Variants in INVS observed in about 807,000 individuals in gnomAD.
The protein encoded by INVS is inversion of embryo turning homolog.
INVS carries 86 observed loss-of-function variants against 108.8 expected under a neutral mutation model. The ratio of observed to expected loss-of-function variants is 0.79; its 90% CI spans 0.66 to 0.95. The LOEUF is 0.95. Ranked by LOEUF, INVS falls within the 40% of genes least tolerant of loss-of-function variation. INVS has a pLI of 0.00. For synonymous variants in INVS, 455 were observed against 473.5 expected, an observed-to-expected ratio of 0.96 and a Z score of 0.51; for missense variants, 1,169 against 1,297.4, an observed-to-expected ratio of 0.90 and a Z score of 1.52.
intron 3 of INVS, among the ~76,000 whole-genome samples, chr9:100,208,351 G>A (rs1009486585): frequency 2.6e-5 from 4 of 152,194 alleles, no homozygotes; most frequent in Non-Finnish European, 5.9e-5. Context: ...GTTATGGTCA[G>A]CATTTGATTA....
chr9:100,177,062 A>G (rs2119058519), intron 3 of INVS, among the ~76,000 whole-genome samples: 1 of 151,758 alleles, frequency 6.6e-6, no homozygotes, highest in Non-Finnish European at 1.5e-5. Context: ...ACCGTGAGGC[A>G]CTGTGCCATG....
intron 3 of INVS, chr9:100,129,816 C>T (rs1323885701): frequency 5.7e-5 from 29 of 512,018 alleles, no homozygotes; most frequent in Non-Finnish European, 1.4e-5. Context: ...GAATACAACC[C>T]TAACAGGAAG....
chr9:100,300,776 C>A lies in INVS; in HGVS notation c.*102C>A. 1 of 801,622 alleles carries A rather than the reference C, an allele frequency of 1.2e-6. No individual in the cohort carries two copies. Among genetic ancestry groups the A allele is most frequent in the Non-Finnish European group, 2.1e-6 (1 of 470,522 alleles). 49.7% of individuals were successfully genotyped at this position (801,622 alleles called of 1,614,324 possible). On this transcript the variant is annotated 3_prime_UTR_variant, in exon 17 of 17. Coordinates refer to ENST00000262457, the MANE Select transcript of INVS (RefSeq NM_014425.5). ...TTACACCTTGGGAAAACTTTAATATCCGTACCTGAAGGCTGATTCACCTAA... is the reference window on the plus strand; with the variant it reads ...TTACACCTTGGGAAAACTTTAATATACGTACCTGAAGGCTGATTCACCTAA...
At chr9:100,283,445 C>T (rs550984350) in intron 12 of INVS, among the ~76,000 whole-genome samples, 10 of 152,138 alleles carry the variant, frequency 6.6e-5, no homozygotes, top group Non-Finnish European at 1.0e-4. Context: ...ATCTTCAGTG[C>T]CCAGCAGAGA....
rs72132931 is a variant in INVS at position 100,132,777 on chromosome 9, A to ATT, written c.273+6239_273+6240dup. On this transcript the variant is annotated intron_variant, in intron 3 of 16. Transcript: ENST00000262457. ...CTCTTTGCCTTTGCATATGCCTGGA[A>ATT]TTTTTTTTTTTTAATTATCTTAAGC... is the stretch of plus-strand genomic sequence containing the variant. Among the ~76,000 whole-genome samples, 230 of 150,822 alleles carry ATT rather than the reference A, an allele frequency of 1.5e-3. 1 individual carries two copies. Among genetic ancestry groups the ATT allele is most frequent in the African/African-American group, 5.3e-3 (219 of 41,182 alleles).
Position 100,231,337 on chromosome 9 carries a change from C to T in INVS, c.615+1510C>T, listed in dbSNP as rs139768106. Among the ~76,000 whole-genome samples, 167 of 152,158 alleles carry T rather than the reference C, an allele frequency of 1.1e-3. 1 individual carries two copies. In the East Asian group the frequency reaches 0.025, roughly 23 times the overall value. Reference sequence around the variant, plus strand: ...TTTTCCTTCTAAAGTTATTATTTTACATCCTGAAATATAGTTCTTAGATTT... The same window carrying T: ...TTTTCCTTCTAAAGTTATTATTTTATATCCTGAAATATAGTTCTTAGATTT... On this transcript the variant is annotated intron_variant, in intron 5 of 16. Transcript: ENST00000262457.
At chr9:100,148,504 A>G (rs1354301832) in intron 3 of INVS, among the ~76,000 whole-genome samples, 1 of 152,170 alleles carries the variant, frequency 6.6e-6, no homozygotes, top group Admixed American at 6.5e-5. Context: ...GGTAACTTCA[A>G]GTTTACAAAG....
intron 3 of INVS, among the ~76,000 whole-genome samples, chr9:100,211,566 G>A (rs944311856): frequency 7.2e-5 from 11 of 152,054 alleles, no homozygotes; most frequent in Admixed American, 2.0e-4. Context: ...GTTTGACTCC[G>A]TGCCACTTGA....
At chr9:100,125,109 T>C (rs955136602) in intron 2 of INVS, among the ~76,000 whole-genome samples, 3 of 152,206 alleles carry the variant, frequency 2.0e-5, no homozygotes, top group African/African-American at 7.2e-5. Flanking sequence ...GTGTCCTGAC[T>C]TTTTGTACCA....
intron 3 of INVS, among the ~76,000 whole-genome samples, chr9:100,156,401 A>C (rs2118996717): frequency 6.6e-6 from 1 of 151,526 alleles, no homozygotes; most frequent in African/African-American, 2.4e-5. Flanking sequence ...GCTGGGTTTA[A>C]AAGCATGAGT....
rs760597143 is a variant in INVS at position 100,302,100 on chromosome 9, C to T, written c.*1426C>T. On this transcript the variant is annotated 3_prime_UTR_variant, in exon 17 of 17. Transcript: ENST00000262457. The stretch of plus-strand genomic sequence containing the variant: ...TTCGTAAACTTCTTTAAAAGTTCAG[C>T]TTTAATGACAAAGATCTATTACATC... The T allele has an allele frequency of 1.3e-6, 1 of 757,254 alleles. No homozygotes were observed. Among genetic ancestry groups the T allele is most frequent in the Admixed American group, 2.7e-5 (1 of 36,968 alleles). The allele number at this position is 757,254 out of a possible 1,614,324, so 46.9% of individuals were successfully genotyped here.
At chr9:100,273,596 G>A (rs1833025831) in intron 12 of INVS, among the ~76,000 whole-genome samples, 1 of 132,994 alleles carries the variant, frequency 7.5e-6, no homozygotes, top group South Asian at 2.5e-4. Flanking sequence ...GGAATGCAGT[G>A]GCACAACCTC....
At chr9:100,205,726 A>G (rs1830655703) in intron 3 of INVS, among the ~76,000 whole-genome samples, 1 of 151,954 alleles carries the variant, frequency 6.6e-6, no homozygotes, top group South Asian at 2.1e-4. Context: ...AACCACTCAC[A>G]TATAGTATTC....
At chr9:100,280,111 A>C (rs1459100853) in intron 12 of INVS, among the ~76,000 whole-genome samples, 2 of 152,150 alleles carry the variant, frequency 1.3e-5, no homozygotes, top group African/African-American at 4.8e-5. Flanking sequence ...TTTCTTGCTA[A>C]ATTTTCATCC....
chr9:100,252,294 G>A lies in INVS; in HGVS notation c.1090G>A (p.Ala364Thr), dbSNP rs1259687445. The change falls in exon 9 of 17, where the codon GCT (alanine) becomes ACT (threonine). Residue 364 changes from alanine (A) to threonine (T), a missense_variant. Coordinates refer to ENST00000262457, the MANE Select transcript of INVS (RefSeq NM_014425.5). ...DKYGGTALHA[A>T]ALSGHVSTVK... ...TGGTTCCCTTTTAGCTTTGCATGCT[G>A]CTGCTCTTTCTGGCCATGTCAGCAC... 1.2e-6 allele frequency: 2 copies of A among 1,614,038 alleles called. No homozygotes were observed. Among genetic ancestry groups the A allele is most frequent in the Non-Finnish European group, 1.7e-6 (2 of 1,179,934 alleles).
intron 3 of INVS, among the ~76,000 whole-genome samples, chr9:100,221,367 A>G (rs1362113113): frequency 4.0e-5 from 6 of 151,698 alleles, no homozygotes; most frequent in African/African-American, 7.3e-5. Context: ...CAGGGGCACA[A>G]TCATGGCTTA....
chr9:100,144,327 G>T (rs1439622301), intron 3 of INVS, among the ~76,000 whole-genome samples: 1 of 152,176 alleles, frequency 6.6e-6, no homozygotes, highest in Non-Finnish European at 1.5e-5. Context: ...ATTAAGTCCT[G>T]TTGTGGGGTT....
At chr9:100,289,414 TATAA>T (rs1257806814) in intron 13 of INVS, among the ~76,000 whole-genome samples, 1 of 152,250 alleles carries the variant, frequency 6.6e-6, no homozygotes, top group Non-Finnish European at 1.5e-5. Context: ...CTTTTATAGA[TATAA>T]ATATCTGTGT....
At chr9:100,163,361 G>C (rs1829256042) in intron 3 of INVS, among the ~76,000 whole-genome samples, 1 of 151,904 alleles carries the variant, frequency 6.6e-6, no homozygotes. Context: ...TCTAGTCTCT[G>C]AATTCAGAAT....
Sources: gnomAD v4.1 joint callset for allele counts (sites outside exome capture counted in the v4.1 genomes callset) on GRCh38, gnomAD v4.1.1 for gene constraint, MANE v1.5 for transcripts, NCBI Gene and HGNC (gene_info 2026-07-23, HGNC 2026-07-21) for gene names.